PVT1: variants seen among roughly 807,000 people sequenced by gnomAD.
PVT1 encodes Pvt1 oncogene.
intron 3 of PVT1, among the ~76,000 whole-genome samples, chr8:127,931,361 C>T (rs1426732972): frequency 5.3e-5 from 8 of 152,218 alleles, no homozygotes; most frequent in East Asian, 1.9e-4. Context: ...CTGCTGAATG[C>T]AGGCCCCATC....
chr8:128,039,830 G>T (rs58565032), intron 4 of PVT1, among the ~76,000 whole-genome samples: 10,999 of 152,222 alleles, frequency 0.072, 504 homozygotes, highest in Non-Finnish European at 0.099. Flanking sequence ...ATCCTGGCCT[G>T]GTGGAAGCAG....
chr8:128,009,880 T>C (rs894467763), intron 4 of PVT1, among the ~76,000 whole-genome samples: 1 of 152,264 alleles, frequency 6.6e-6, no homozygotes, highest in African/African-American at 2.4e-5. Context: ...TTCTCATTGA[T>C]GAGATTCTGA....
intron 5 of PVT1, among the ~76,000 whole-genome samples, chr8:128,088,478 A>T (rs1317013541): frequency 1.3e-5 from 2 of 152,148 alleles, no homozygotes; most frequent in Admixed American, 1.3e-4. Context: ...ATATTATTGA[A>T]AGCCTACTTT....
chr8:127,911,178 T>C (rs1321101101), intron 3 of PVT1, among the ~76,000 whole-genome samples: 1 of 152,160 alleles, frequency 6.6e-6, no homozygotes, highest in Non-Finnish European at 1.5e-5. Context: ...ACTCCCAGAA[T>C]AGTGACCTCC....
chr8:127,807,704 AG>A (rs1169755453), intron 2 of PVT1, among the ~76,000 whole-genome samples: 55 of 152,368 alleles, frequency 3.6e-4, no homozygotes, highest in African/African-American at 1.3e-3. Flanking sequence ...AAAGAAAAAA[AG>A]TTTGAAAATA....
intron 2 of PVT1, among the ~76,000 whole-genome samples, chr8:127,885,605 C>G (rs1815514148): frequency 6.6e-6 from 1 of 152,102 alleles, no homozygotes; most frequent in Non-Finnish European, 1.5e-5. Context: ...CAAAGGCCTC[C>G]CCTTTTGAGA....
intron 6 of PVT1, chr8:128,101,057 G>A (rs903233833): frequency 1.3e-5 from 2 of 152,022 alleles, no homozygotes; most frequent in African/African-American, 4.8e-5. Flanking sequence ...CCAACAGGAG[G>A]ACAGCTTCAA....
At chr8:128,034,476 CT>C (rs1164505474) in intron 4 of PVT1, among the ~76,000 whole-genome samples, 1 of 152,228 alleles carries the variant, frequency 6.6e-6, no homozygotes, top group East Asian at 1.9e-4. Flanking sequence ...ACTTACTGTG[CT>C]GTTCTAGCTC....
At chr8:127,867,312 C>G (rs1815295965) in intron 2 of PVT1, among the ~76,000 whole-genome samples, 1 of 152,230 alleles carries the variant, frequency 6.6e-6, no homozygotes, top group Non-Finnish European at 1.5e-5. Flanking sequence ...CTTTTTTGTG[C>G]AAAGGAGACC....
chr8:127,883,307 G>A (rs1200173217), intron 2 of PVT1, among the ~76,000 whole-genome samples: 3 of 152,152 alleles, frequency 2.0e-5, no homozygotes, highest in Non-Finnish European at 4.4e-5. Context: ...AGTTACCAAA[G>A]CATCCATCTG....
intron 2 of PVT1, among the ~76,000 whole-genome samples, chr8:127,867,278 C>G (rs1238724201): frequency 6.6e-6 from 1 of 152,208 alleles, no homozygotes; most frequent in Non-Finnish European, 1.5e-5. Context: ...GAGGAGGGGT[C>G]CAAGCCGCCA....
intron 2 of PVT1, among the ~76,000 whole-genome samples, chr8:127,830,407 TG>T (rs932951986): frequency 1.4e-5 from 2 of 146,906 alleles, no homozygotes; most frequent in African/African-American, 5.1e-5. Flanking sequence ...TGTGGGGGTG[TG>T]GGAGTGGGGT....
At chr8:127,935,729 A>T (rs968446261) in intron 3 of PVT1, among the ~76,000 whole-genome samples, 1 of 151,528 alleles carries the variant, frequency 6.6e-6, no homozygotes, top group African/African-American at 2.4e-5. Context: ...ATGGGACAGT[A>T]TGTATCCCAA....
chr8:128,012,556 G>A (rs982424432), intron 4 of PVT1, among the ~76,000 whole-genome samples: 13 of 152,206 alleles, frequency 8.5e-5, no homozygotes, highest in Non-Finnish European at 1.8e-4. Flanking sequence ...TCAAATGAAT[G>A]TGAGCCAACG....
At chr8:128,093,538 C>T (rs1231227597) in intron 5 of PVT1, among the ~76,000 whole-genome samples, 1 of 151,956 alleles carries the variant, frequency 6.6e-6, no homozygotes, top group Non-Finnish European at 1.5e-5. Context: ...GCCTGGGGGA[C>T]AAGAGCAAGA....
At chr8:127,888,874 T>C (rs1189401973) in intron 2 of PVT1, among the ~76,000 whole-genome samples, 2 of 152,254 alleles carry the variant, frequency 1.3e-5, no homozygotes, top group East Asian at 3.8e-4. Context: ...TGTGCTGTTT[T>C]ATTTTTTATT....
intron 4 of PVT1, among the ~76,000 whole-genome samples, chr8:128,004,983 A>C (rs1315775928): frequency 1.3e-5 from 2 of 152,168 alleles, no homozygotes; most frequent in Non-Finnish European, 2.9e-5. Flanking sequence ...TCTACTAAAA[A>C]TACAAAATTA....
At chr8:127,922,147 C>G (rs1268666362) in intron 3 of PVT1, among the ~76,000 whole-genome samples, 1 of 152,082 alleles carries the variant, frequency 6.6e-6, no homozygotes, top group Non-Finnish European at 1.5e-5. Context: ...GTGTGAGCCA[C>G]TGCACCTGGC....
At chr8:127,951,822 T>TC in intron 3 of PVT1, among the ~76,000 whole-genome samples, 1 of 151,644 alleles carries the variant, frequency 6.6e-6, no homozygotes. Context: ...GAATTCCTTT[T>TC]TTTTTTTTTT....
Sources: gnomAD v4.1 joint callset for allele counts (sites outside exome capture counted in the v4.1 genomes callset) on GRCh38, gnomAD v4.1.1 for gene constraint, MANE v1.5 for transcripts, NCBI Gene and HGNC (gene_info 2026-07-23, HGNC 2026-07-21) for gene names.